The following ILDR2 variants were observed in gnomAD, a reference collection of about 807,000 sequenced individuals.
ILDR2 encodes immunoglobulin-like domain-containing receptor 2.
A neutral mutation model predicts 66.8 loss-of-function variants in ILDR2; 25 were observed. The observed-to-expected ratio is 0.37, with a 90% CI of 0.27 to 0.52. The LOEUF (loss-of-function observed/expected upper bound fraction) is 0.52, where lower values mean the gene tolerates loss of function less well. Ranked by LOEUF, ILDR2 falls within the 20% of genes least tolerant of loss-of-function variation. The pLI is 0.88. For missense variants in ILDR2, 827 were observed against 876.8 expected (o/e 0.94, Z 0.72); for synonymous variants, 367 against 357.2 (o/e 1.03, Z -0.31).
intron 2 of ILDR2, among the ~76,000 whole-genome samples, chr1:166,899,650 T>C (rs1206486931): frequency 1.3e-5 from 2 of 152,250 alleles, no homozygotes; most frequent in Non-Finnish European, 2.9e-5. Flanking sequence ...GAAAATCAAA[T>C]ATTTCTTCAT....
At chr1:166,938,753 A>G (rs1282137818) in intron 4 of ILDR2, among the ~76,000 whole-genome samples, 4 of 152,236 alleles carry the variant, frequency 2.6e-5, no homozygotes, top group South Asian at 4.1e-4. Flanking sequence ...ACCCTCCAAG[A>G]CAAGACTAAA....
intron 6 of ILDR2, among the ~76,000 whole-genome samples, chr1:166,933,721 TATGAG>T (rs1291630460): frequency 6.6e-6 from 1 of 151,994 alleles, no homozygotes; most frequent in East Asian, 1.9e-4. Flanking sequence ...AGACAAAGAG[TATGAG>T]ATAAGTTCCA....
intron 3 of ILDR2, among the ~76,000 whole-genome samples, chr1:166,944,563 A>T (rs1661506167): frequency 6.6e-6 from 1 of 151,858 alleles, no homozygotes; most frequent in Non-Finnish European, 1.5e-5. Flanking sequence ...TCCCACTTCT[A>T]CTCAGAACAT....
rs1659433617 is a variant in ILDR2 at position 166,909,782 on chromosome 1, T to TATATAA, written c.*9572_*9573insTTATAT. The TATATAA allele has an allele frequency of 2.2e-4, 4 of 17,882 alleles. No individual in the cohort carries two copies. Among genetic ancestry groups the TATATAA allele is most frequent in the African/African-American group, 3.9e-4 (1 of 2,566 alleles). The allele number at this position is 17,882 out of a possible 1,614,324, so 1.1% of individuals were successfully genotyped here. On this transcript the variant is annotated 3_prime_UTR_variant, in exon 10 of 10. Transcript: ENST00000271417. The stretch of plus-strand genomic sequence containing the variant: ...ATAAATATATATAAATATATATATT[T>TATATAA]ATATATATATATATATATATATATC...
In ILDR2 at chr1:166,950,758, C is replaced by CACACAT. The variant is rs397688854; in HGVS notation, c.499+5974_499+5975insATGTGT. On this transcript the variant is annotated intron_variant, in intron 3 of 9. Coordinates refer to ENST00000271417, the MANE Select transcript of ILDR2 (RefSeq NM_199351.3). The stretch of plus-strand genomic sequence containing the variant: ...ACACACACACACACACACACACACA[C>CACACAT]GCCTACCCATTCCTTTACCACTTAT... 1.8e-3 allele frequency among the ~76,000 whole-genome samples: 276 copies of CACACAT among 151,594 alleles called. 1 individual carries two copies. The highest frequency in any genetic ancestry group is 6.3e-3 in the African/African-American group (261 of 41,220).
chr1:166,973,780 TG>T (rs1305159560), intron 1 of ILDR2, among the ~76,000 whole-genome samples: 1 of 151,950 alleles, frequency 6.6e-6, no homozygotes, highest in Non-Finnish European at 1.5e-5. Flanking sequence ...CGGGGTGGCA[TG>T]GATCAGCCAA....
chr1:166,925,399 T>TCTGGCA (rs1249577961), intron 7 of ILDR2, among the ~76,000 whole-genome samples: 1 of 152,222 alleles, frequency 6.6e-6, no homozygotes, highest in East Asian at 1.9e-4. Flanking sequence ...GGGTTCCAGT[T>TCTGGCA]CTGGCACTGG....
chr1:166,950,404 G>A (rs1055997890), intron 3 of ILDR2, among the ~76,000 whole-genome samples: 1 of 152,146 alleles, frequency 6.6e-6, no homozygotes, highest in Non-Finnish European at 1.5e-5. Context: ...CTGGCAAAGA[G>A]AAGGAGAAGG....
intron 3 of ILDR2, chr1:166,943,940 T>C: frequency 1.4e-6 from 1 of 702,392 alleles, no homozygotes; most frequent in South Asian, 6.4e-5. Context: ...ACAGTTTTTA[T>C]GTAAGCGCTC....
chr1:166,967,617 C>T (rs1479063398), intron 1 of ILDR2, among the ~76,000 whole-genome samples: 1 of 152,084 alleles, frequency 6.6e-6, no homozygotes, highest in Non-Finnish European at 1.5e-5. Context: ...ATTAGCCGAG[C>T]ATGGTGATGT....
At chr1:166,903,224 A>G (rs146544090), downstream of ILDR2, among the ~76,000 whole-genome samples, 17 of 152,322 alleles carry the variant, frequency 1.1e-4, no homozygotes, top group East Asian at 3.1e-3. Context: ...TACAGTAAAG[A>G]CTATATCACT....
intron 1 of ILDR2, among the ~76,000 whole-genome samples, chr1:166,959,297 T>C (rs992279929): frequency 6.6e-5 from 10 of 152,344 alleles, no homozygotes; most frequent in African/African-American, 2.2e-4. Flanking sequence ...AGTACTTCTT[T>C]TCATGCCTGT....
rs538641690 is a variant in ILDR2, at chr1:166,965,579, T to TG, written c.47-7479_47-7478insC. On this transcript the variant is annotated intron_variant, in intron 1 of 9. Coordinates refer to ENST00000271417, the MANE Select transcript of ILDR2 (RefSeq NM_199351.3). Reference sequence around the variant, plus strand: ...CTTCAAGTTAGGTTTTGTTTTTTTTTTTGTTTTTTTTTTGACAGGGTCTCT... The same window carrying TG: ...CTTCAAGTTAGGTTTTGTTTTTTTTTGTTGTTTTTTTTTTGACAGGGTCTCT... Among the ~76,000 whole-genome samples, 25 of 148,318 alleles carry TG rather than the reference T, an allele frequency of 1.7e-4. No homozygotes were observed. In the South Asian group the frequency reaches 1.9e-3, roughly 12 times the overall value.
chr1:166,974,708 C>T (rs2102048335), intron 1 of ILDR2, among the ~76,000 whole-genome samples: 1 of 152,308 alleles, frequency 6.6e-6, no homozygotes, highest in South Asian at 2.1e-4. Context: ...TCCTTGCACC[C>T]TCCAGAGAGC....
chr1:166,924,972 C>T (rs537292945), intron 7 of ILDR2, among the ~76,000 whole-genome samples: 2 of 152,128 alleles, frequency 1.3e-5, no homozygotes, highest in East Asian at 1.9e-4. Context: ...GCTGTGTTTG[C>T]GCCACTGCAC....
rs1659612700 is a variant in ILDR2, at chr1:166,915,601, T to A, written c.*3754A>T. Reference sequence around the variant, plus strand: ...TGGGAGTCTAAAGACCTAATAGGTTTGTGACTTCATTAATGGCAGTGATGG... The same window carrying A: ...TGGGAGTCTAAAGACCTAATAGGTTAGTGACTTCATTAATGGCAGTGATGG... On this transcript the variant is annotated 3_prime_UTR_variant, in exon 10 of 10. Coordinates refer to ENST00000271417, the MANE Select transcript of ILDR2 (RefSeq NM_199351.3). 1 of 152,212 alleles carries A rather than the reference T, an allele frequency of 6.6e-6. No homozygotes were observed. Among genetic ancestry groups the A allele is most frequent in the Non-Finnish European group, 1.5e-5 (1 of 68,042 alleles). 9.4% of individuals were successfully genotyped at this position (152,212 alleles called of 1,614,324 possible). A position where few individuals can be genotyped will look rare whatever the true frequency, so the allele number is the denominator to read the frequency against.
rs371037651 is a variant in ILDR2 at position 166,919,309 on chromosome 1, G to A, written c.*46C>T. 68 of 1,560,470 alleles carry A rather than the reference G, an allele frequency of 4.4e-5. No homozygotes were observed. The Middle Eastern group carries it at 6.7e-4, about 15-fold the overall frequency. ...GTTCTTAGATTTGTGTCTTGTCCCC[G>A]TAGTCCATGTCTGATTTCTCATTAT... On this transcript the variant is annotated 3_prime_UTR_variant, in exon 10 of 10. Coordinates refer to ENST00000271417, the MANE Select transcript of ILDR2 (RefSeq NM_199351.3).
intron 3 of ILDR2, among the ~76,000 whole-genome samples, chr1:166,949,549 T>C (rs10918599): frequency 0.19 from 29,115 of 152,156 alleles, 2,946 homozygotes; most frequent in African/African-American, 0.24. Context: ...CACTCCATGG[T>C]GCCTATCAAA....
rs1454125501 is a variant in ILDR2, at chr1:166,913,978, G to A, written c.*5377C>T. 1.3e-5 allele frequency: 2 copies of A among 152,044 alleles called. No individual in the cohort carries two copies. Among genetic ancestry groups the A allele is most frequent in the African/African-American group, 4.8e-5 (2 of 41,374 alleles). The allele number at this position is 152,044 out of a possible 1,614,324, so 9.4% of individuals were successfully genotyped here. On this transcript the variant is annotated 3_prime_UTR_variant, in exon 10 of 10. Transcript: ENST00000271417. ...CAAACAAACAAAATTTGCTGGACGT[G>A]GTGGCATATATCTGTAGTCCTACCT...
Sources: allele counts gnomAD v4.1 joint callset (sites outside exome capture counted in the v4.1 genomes callset), GRCh38; gene constraint gnomAD v4.1.1; transcripts MANE v1.5; gene names NCBI Gene and HGNC (gene_info 2026-07-23, HGNC 2026-07-21).